Variants in C1orf52 observed in about 807,000 individuals in gnomAD.
C1orf52 encodes UPF0690 protein C1orf52.
In C1orf52, 5 loss-of-function variants were observed where a neutral mutation model predicts 17.2. That is an observed-to-expected ratio of 0.29 (90% CI 0.15 to 0.61). C1orf52 has a LOEUF of 0.61. C1orf52 is among the 20% of genes least tolerant of loss of function. The pLI is 0.85. For synonymous variants in C1orf52, 110 were observed against 88.0 expected, an observed-to-expected ratio of 1.25 and a Z score of -1.40; for missense variants, 245 against 234.1, an observed-to-expected ratio of 1.05 and a Z score of -0.30.
Position 85,258,787 on chromosome 1 carries a change from A to G in C1orf52, c.277-65T>C. ...AGGTTCCTACGATGGACGTGGGCAC[A>G]TGCAACTCCCTGCCGTTCGCTTATC... is the stretch of plus-strand genomic sequence containing the variant. On this transcript the variant is annotated intron_variant, in intron 1 of 2. Transcript: ENST00000471115. 2.7e-6 allele frequency: 4 copies of G among 1,457,518 alleles called. 1 individual carries two copies. The highest frequency in any genetic ancestry group is 4.4e-4 in the Middle Eastern group (2 of 4,582). 90.3% of individuals were successfully genotyped at this position (1,457,518 alleles called of 1,614,324 possible).
rs773090090 is a variant in C1orf52, at chr1:85,257,462, T to A, written c.475+1062A>T. 3 of 717,372 alleles carry A rather than the reference T, an allele frequency of 4.2e-6. No individual in the cohort carries two copies. In the South Asian group the frequency reaches 4.4e-5, roughly 11 times the overall value. 44.4% of individuals were successfully genotyped at this position (717,372 alleles called of 1,614,324 possible). ...TACAATTCAGTTCTGGATTTCAAGA[T>A]CTTCAAGTGCTAGAAAGGGGCCATT... On this transcript the variant is annotated intron_variant, in intron 2 of 2. Coordinates refer to ENST00000471115, the MANE Select transcript of C1orf52 (RefSeq NM_198077.4).
chr1:85,250,399 A>G lies in C1orf52; in HGVS notation c.*2230T>C, dbSNP rs1659772812. The G allele has an allele frequency of 6.6e-6, 1 of 152,218 alleles. No individual in the cohort carries two copies. Among genetic ancestry groups the G allele is most frequent in the African/African-American group, 2.4e-5 (1 of 41,446 alleles). The allele number at this position is 152,218 out of a possible 1,614,324, so 9.4% of individuals were successfully genotyped here. ...TGGATTTTTAAGACTTTTCCCCACTAGGTTTCCACTAGCTCAACCAAACTT... is the reference window on the plus strand; with the variant it reads ...TGGATTTTTAAGACTTTTCCCCACTGGGTTTCCACTAGCTCAACCAAACTT... On this transcript the variant is annotated 3_prime_UTR_variant, in exon 3 of 3. Coordinates refer to ENST00000471115, the MANE Select transcript of C1orf52 (RefSeq NM_198077.4).
At chr1:85,255,022 G>T (rs1205074643) in intron 2 of C1orf52, among the ~76,000 whole-genome samples, 1 of 152,108 alleles carries the variant, frequency 6.6e-6, no homozygotes, top group Non-Finnish European at 1.5e-5. Flanking sequence ...CAATTTTACT[G>T]AGCTTTTTTA....
Position 85,258,577 on chromosome 1 carries a change from T to C in C1orf52, c.422A>G (p.Gln141Arg). 1 of 1,614,248 alleles carries C rather than the reference T, an allele frequency of 6.2e-7. No individual in the cohort carries two copies. The highest frequency in any genetic ancestry group is 8.5e-7 in the Non-Finnish European group (1 of 1,180,044). The part of the protein sequence containing the change: ...IYEDNGDDAP[Q>R]NAKKARLLPE... ...TAGAAGCCTAGCTTTCTTAGCATTC[T>C]GTGGAGCATCATCACCATTGTCCTC... is the stretch of plus-strand genomic sequence containing the variant. Residue 141 changes from glutamine (Q) to arginine (R), a missense_variant, in exon 2 of 3, where the codon CAG becomes CGG. Physicochemically the swap from Gln to Arg is conservative, Grantham distance 43 (BLOSUM62 1). Coordinates refer to ENST00000471115, the MANE Select transcript of C1orf52 (RefSeq NM_198077.4).
In C1orf52 at chr1:85,250,586, T is replaced by C. The variant is rs944429115; in HGVS notation, c.*2043A>G. On this transcript the variant is annotated 3_prime_UTR_variant, in exon 3 of 3. Transcript: ENST00000471115. Reference sequence around the variant, plus strand: ...GCTGAGTCAGACTTGCTCCAAAATATTTAGCCTCTTCCCTAAGTCCTGTCT... The same window carrying C: ...GCTGAGTCAGACTTGCTCCAAAATACTTAGCCTCTTCCCTAAGTCCTGTCT... 3.9e-5 allele frequency: 6 copies of C among 152,202 alleles called. No individual in the cohort carries two copies. The highest frequency in any genetic ancestry group is 1.4e-4 in the African/African-American group (6 of 41,420). 9.4% of individuals were successfully genotyped at this position (152,202 alleles called of 1,614,324 possible).
Position 85,252,036 on chromosome 1 carries a change from G to C in C1orf52, c.*593C>G, listed in dbSNP as rs1269626611. 1 of 152,322 alleles carries C rather than the reference G, an allele frequency of 6.6e-6. No individual in the cohort carries two copies. The highest frequency in any genetic ancestry group is 1.9e-4 in the East Asian group (1 of 5,182). 9.4% of individuals were successfully genotyped at this position (152,322 alleles called of 1,614,324 possible). A position where few individuals can be genotyped will look rare whatever the true frequency, so the allele number is the denominator to read the frequency against. On this transcript the variant is annotated 3_prime_UTR_variant, in exon 3 of 3. Coordinates refer to ENST00000471115, the MANE Select transcript of C1orf52 (RefSeq NM_198077.4). Reference sequence around the variant, plus strand: ...GAATACTAATAATACCTTGCGCTAGGTTGTTTAAGGATCAGAGAAAATATA... The same window carrying C: ...GAATACTAATAATACCTTGCGCTAGCTTGTTTAAGGATCAGAGAAAATATA...
chr1:85,253,202 T>TA (rs1659842923), intron 2 of C1orf52, among the ~76,000 whole-genome samples: 1 of 152,238 alleles, frequency 6.6e-6, no homozygotes, highest in African/African-American at 2.4e-5. Context: ...ATTCTCTCCC[T>TA]TGGACACCAC....
chr1:85,259,287 C>T (rs1660027936), intron 1 of C1orf52, 71 bp downstream of exon 1: 3 of 1,506,266 alleles, frequency 2.0e-6, no homozygotes, highest in Non-Finnish European at 2.7e-6. Flanking sequence ...CAGCAGGTCC[C>T]CAGCAGGGGG....
intron 2 of C1orf52, among the ~76,000 whole-genome samples, chr1:85,256,327 T>C (rs1001007404): frequency 6.6e-6 from 1 of 152,234 alleles, no homozygotes; most frequent in Non-Finnish European, 1.5e-5. Context: ...AGCACTTCTG[T>C]ATCAGGTTGC....
chr1:85,252,456 G>A lies in C1orf52; in HGVS notation c.*173C>T. ...CCAGTTGAGTTTTAAATACATACAT[G>A]TTTTAAATAAAAAAAGAATTCTATA... On this transcript the variant is annotated 3_prime_UTR_variant, in exon 3 of 3. Coordinates refer to ENST00000471115, the MANE Select transcript of C1orf52 (RefSeq NM_198077.4). 1.8e-6 allele frequency: 1 copy of A among 570,010 alleles called. No individual in the cohort carries two copies. The highest frequency in any genetic ancestry group is 3.1e-6 in the Non-Finnish European group (1 of 325,682). The allele number at this position is 570,010 out of a possible 1,614,324, so 35.3% of individuals were successfully genotyped here. A position where few individuals can be genotyped will look rare whatever the true frequency, so the allele number is the denominator to read the frequency against.
At chr1:85,253,030 C>T (rs1277550961) in intron 2 of C1orf52, among the ~76,000 whole-genome samples, 2 of 152,132 alleles carry the variant, frequency 1.3e-5, no homozygotes, top group Admixed American at 6.6e-5. Flanking sequence ...GCAAGCTTGT[C>T]CAACCTGCCT....
chr1:85,250,684 G>A lies in C1orf52; in HGVS notation c.*1945C>T, dbSNP rs1376414068. The A allele has an allele frequency of 6.6e-6, 1 of 152,188 alleles. No individual in the cohort carries two copies. Among genetic ancestry groups the A allele is most frequent in the Non-Finnish European group, 1.5e-5 (1 of 68,032 alleles). 9.4% of individuals were successfully genotyped at this position (152,188 alleles called of 1,614,324 possible). ...AAAGTTTGCTTTCATGCTAACTTAA[G>A]AACCTTGCAATATTTCAGTAACTTC... On this transcript the variant is annotated 3_prime_UTR_variant, in exon 3 of 3. Transcript: ENST00000471115.
At position 85,252,258 on chromosome 1, in the gene C1orf52, A is replaced by T. The variant is rs1659818296; in HGVS notation, c.*371T>A. On this transcript the variant is annotated 3_prime_UTR_variant, in exon 3 of 3. Coordinates refer to ENST00000471115, the MANE Select transcript of C1orf52 (RefSeq NM_198077.4). ...CACTGTACAAAGACTGTTGAAAAGC[A>T]CCCTACAAGTTCACAGTACATTACA... 1 of 195,716 alleles carries T rather than the reference A, an allele frequency of 5.1e-6. No individual in the cohort carries two copies. The highest frequency in any genetic ancestry group is 1.0e-5 in the Non-Finnish European group (1 of 96,072). 12.1% of individuals were successfully genotyped at this position (195,716 alleles called of 1,614,324 possible). A position where few individuals can be genotyped will look rare whatever the true frequency, so the allele number is the denominator to read the frequency against.
Position 85,259,470 on chromosome 1 carries a change from C to T in C1orf52, c.164G>A (p.Arg55Gln). The T allele has an allele frequency of 1.9e-6, 3 of 1,613,950 alleles. No individual in the cohort carries two copies. The highest frequency in any genetic ancestry group is 1.1e-5 in the South Asian group (1 of 91,070). The change falls in exon 1 of 3, where the codon CGG becomes CAG. Residue 55 changes from arginine to glutamine, a missense_variant. Arg to Gln is a conservative substitution (Grantham distance 43). Transcript: ENST00000471115. ...AAACAGCTCGTCAGGTCCCGGGAGC[C>T]GCTTCTCCGCCTTGTTCCTACAGCC... ...AGGCRNKAEK[R>Q]LPGPDELFRS...
chr1:85,257,620 G>A, intron 2 of C1orf52: 1 of 632,190 alleles, frequency 1.6e-6, no homozygotes, highest in Admixed American at 2.8e-5. Context: ...TGCAGTGAAG[G>A]ATGGTACAGA....
At position 85,250,015 on chromosome 1, in the gene C1orf52, T is replaced by G. The variant is rs1659760498; in HGVS notation, c.*2614A>C. 1 of 154,302 alleles carries G rather than the reference T, an allele frequency of 6.5e-6. No homozygotes were observed. Among genetic ancestry groups the G allele is most frequent in the Non-Finnish European group, 1.4e-5 (1 of 69,748 alleles). The allele number at this position is 154,302 out of a possible 1,614,324, so 9.6% of individuals were successfully genotyped here. Reference sequence around the variant, plus strand: ...CATGGCTGAGGAAGCCTCACAATCATGGCAGAAGGCAAGAGGAGCAAGACA... The same window carrying G: ...CATGGCTGAGGAAGCCTCACAATCAGGGCAGAAGGCAAGAGGAGCAAGACA... On this transcript the variant is annotated 3_prime_UTR_variant, in exon 3 of 3. Coordinates refer to ENST00000471115, the MANE Select transcript of C1orf52 (RefSeq NM_198077.4).
Position 85,259,543 on chromosome 1 carries a change from G to A in C1orf52, c.91C>T (p.Pro31Ser), listed in dbSNP as rs753805381. The part of the protein sequence containing the change: ...GSSDEEDNIE[P>S]EETSRRTPDP... ...GGGGTTCTGCGACTCGTCTCCTCCGGCTCGATGTTATCCTCCTCGTCCGAG... is the reference window on the plus strand; with the variant it reads ...GGGGTTCTGCGACTCGTCTCCTCCGACTCGATGTTATCCTCCTCGTCCGAG... The change falls in exon 1 of 3, where the codon CCG (proline) becomes TCG (serine). Residue 31 changes from proline to serine, a missense_variant. Coordinates refer to ENST00000471115, the MANE Select transcript of C1orf52 (RefSeq NM_198077.4). 6.2e-7 allele frequency: 1 copy of A among 1,613,670 alleles called. No homozygotes were observed. Among genetic ancestry groups the A allele is most frequent in the Non-Finnish European group, 8.5e-7 (1 of 1,179,978 alleles).
intron 2 of C1orf52, among the ~76,000 whole-genome samples, chr1:85,255,458 G>A (rs1659912850): frequency 6.6e-6 from 1 of 151,920 alleles, no homozygotes; most frequent in Non-Finnish European, 1.5e-5. Flanking sequence ...GCTGAGGCAG[G>A]AGAATCGCTT....
intron 1 of C1orf52, chr1:85,258,939 G>A (rs2100735422): frequency 7.1e-7 from 1 of 1,405,716 alleles, no homozygotes; most frequent in East Asian, 2.6e-5. Flanking sequence ...AGTTACCAAA[G>A]AAGAATCCAG....
Sources: gnomAD v4.1 joint callset for allele counts (sites outside exome capture counted in the v4.1 genomes callset) on GRCh38, gnomAD v4.1.1 for gene constraint, MANE v1.5 for transcripts, NCBI Gene and HGNC (gene_info 2026-07-23, HGNC 2026-07-21) for gene names.